The following MACROD2 variants were observed in gnomAD, a reference collection of about 807,000 sequenced individuals.
MACROD2 encodes ADP-ribose glycohydrolase MACROD2.
MACROD2 carries 36 observed loss-of-function variants against 70.4 expected under a neutral mutation model. The observed-to-expected ratio is 0.51, with a 90% CI of 0.39 to 0.68. The LOEUF (loss-of-function observed/expected upper bound fraction) is 0.68. MACROD2 is among the 30% of genes least tolerant of loss of function. The pLI is 0.00. For missense variants in MACROD2, 496 were observed against 538.4 expected, an observed-to-expected ratio of 0.92 and a Z score of 0.78; for synonymous variants, 172 against 178.8, an observed-to-expected ratio of 0.96 and a Z score of 0.30.
intron 4 of MACROD2, among the ~76,000 whole-genome samples, chr20:14,573,476 C>T (rs1342986184): frequency 6.6e-6 from 1 of 152,120 alleles, no homozygotes; most frequent in Admixed American, 6.6e-5. Flanking sequence ...ATTTTAGCTG[C>T]TGCTCTTTTA....
intron 2 of MACROD2, among the ~76,000 whole-genome samples, chr20:14,071,265 T>G (rs977112910): frequency 7.7e-6 from 1 of 129,550 alleles, no homozygotes; most frequent in African/African-American, 2.9e-5. Context: ...TTTTTTTTTT[T>G]TTTTTTTTTT....
chr20:14,078,493 ACCT>A (rs1165137694), intron 2 of MACROD2, among the ~76,000 whole-genome samples: 1 of 149,838 alleles, frequency 6.7e-6, no homozygotes. Context: ...TGCAACCTCC[ACCT>A]CCCAGGTTCA....
chr20:15,248,311 A>G (rs1018195783), intron 6 of MACROD2, among the ~76,000 whole-genome samples: 7 of 152,270 alleles, frequency 4.6e-5, no homozygotes, highest in African/African-American at 1.4e-4. Context: ...AGCTCACTGC[A>G]GTACTTGACA....
At chr20:15,198,735 AATTT>A (rs1329549163) in intron 5 of MACROD2, among the ~76,000 whole-genome samples, 7 of 152,048 alleles carry the variant, frequency 4.6e-5, no homozygotes, top group Admixed American at 3.3e-4. Flanking sequence ...CTGTGAGGGC[AATTT>A]TTATGAACCC....
rs543090926 is a variant in MACROD2, at chr20:15,632,175, AT to A, written c.645+132329del. On this transcript the variant is annotated intron_variant, in intron 8 of 17. Coordinates refer to ENST00000684519, the MANE Select transcript of MACROD2 (RefSeq NM_001351661.2). The stretch of plus-strand genomic sequence containing the variant: ...AGCGAAACTCTTACTCAAAAAAAAA[AT>A]AAATAAATAAAAATAAAAATAAAGA... Among the ~76,000 whole-genome samples, 886 of 151,644 alleles carry A rather than the reference AT, an allele frequency of 5.8e-3. 11 individuals are homozygous for A. The highest frequency in any genetic ancestry group is 0.02 in the African/African-American group (828 of 41,378).
intron 3 of MACROD2, among the ~76,000 whole-genome samples, chr20:14,195,596 G>GAC (rs140649313): frequency 6.6e-6 from 1 of 151,730 alleles, no homozygotes; most frequent in Non-Finnish European, 1.5e-5. Flanking sequence ...CTAGCAGGCA[G>GAC]ACACACACAC....
intron 2 of MACROD2, among the ~76,000 whole-genome samples, chr20:14,053,914 T>C (rs1226017834): frequency 6.6e-6 from 1 of 152,120 alleles, no homozygotes; most frequent in Admixed American, 6.6e-5. Flanking sequence ...GATATTGATT[T>C]TTTTCTATTA....
chr20:15,442,066 T>C (rs2046501545), intron 7 of MACROD2, among the ~76,000 whole-genome samples: 1 of 152,168 alleles, frequency 6.6e-6, no homozygotes, highest in Admixed American at 6.6e-5. Flanking sequence ...TTTTCTCATC[T>C]AGTCTTGAAT....
intron 8 of MACROD2, among the ~76,000 whole-genome samples, chr20:15,538,286 T>A (rs1302497994): frequency 2.6e-5 from 4 of 152,082 alleles, no homozygotes; most frequent in Admixed American, 6.5e-5. Flanking sequence ...AGGACTCTAT[T>A]TGGAAAATGA....
chr20:14,911,441 GATCTTGGCTCAC>G (rs1404916298), intron 5 of MACROD2, among the ~76,000 whole-genome samples: 7 of 152,040 alleles, frequency 4.6e-5, no homozygotes, highest in Non-Finnish European at 7.4e-5. Flanking sequence ...GCGGTGGCAT[GATCTTGGCTCAC>G]TGCAGCCTCG....
chr20:14,325,682 ACTC>A, intron 3 of MACROD2: 1 of 1,613,582 alleles, frequency 6.2e-7, no homozygotes, highest in Non-Finnish European at 8.5e-7. Flanking sequence ...TGTATTACAA[ACTC>A]CTCCTTCGAG....
At chr20:15,273,256 C>G (rs997881227) in intron 6 of MACROD2, among the ~76,000 whole-genome samples, 7 of 152,004 alleles carry the variant, frequency 4.6e-5, no homozygotes, top group African/African-American at 1.7e-4. Context: ...GCCAAGCCTC[C>G]GAGCCTACAT....
intron 6 of MACROD2, among the ~76,000 whole-genome samples, chr20:15,377,024 G>A (rs1000964600): frequency 3.3e-5 from 5 of 152,058 alleles, no homozygotes; most frequent in African/African-American, 1.2e-4. Flanking sequence ...CTGAGTAGCT[G>A]GGACTACAGG....
intron 5 of MACROD2, among the ~76,000 whole-genome samples, chr20:15,103,829 A>G (rs1341058423): frequency 6.6e-6 from 1 of 152,160 alleles, no homozygotes; most frequent in Admixed American, 6.5e-5. Context: ...AGCAGCCGTG[A>G]GCAGAACTGA....
Position 15,649,207 on chromosome 20 carries a change from CTTCTTTCTTTCTTTCTTTCT to C in MACROD2, c.645+149382_645+149401del, listed in dbSNP as rs146662837. On this transcript the variant is annotated intron_variant, in intron 8 of 17. Coordinates refer to ENST00000684519, the MANE Select transcript of MACROD2 (RefSeq NM_001351661.2). ...TTCTTTTTCCTTTCTTCTTTCTTTCCTTCTTTCTTTCTTTCTTTCTTTCTTTCTTTCTTTCTTTCTTCTTT... is the reference window on the plus strand; with the variant it reads ...TTCTTTTTCCTTTCTTCTTTCTTTCCTTCTTTCTTTCTTTCTTTCTTCTTT... Among the ~76,000 whole-genome samples the C allele has an allele frequency of 3.4e-3, 471 of 137,766 alleles. 7 individuals are homozygous for C. Among genetic ancestry groups the C allele is most frequent in the South Asian group, 4.2e-3 (16 of 3,826 alleles). 90.4% of individuals were successfully genotyped at this position (137,766 alleles called of 152,430 possible).
intron 8 of MACROD2, among the ~76,000 whole-genome samples, chr20:15,768,972 G>T (rs1889666482): frequency 6.6e-6 from 1 of 152,164 alleles, no homozygotes; most frequent in African/African-American, 2.4e-5. Context: ...TATACTCATG[G>T]AGCTGTCAGC....
At chr20:14,371,541 C>A (rs1174011050) in intron 3 of MACROD2, among the ~76,000 whole-genome samples, 1 of 151,892 alleles carries the variant, frequency 6.6e-6, no homozygotes, top group African/African-American at 2.4e-5. Context: ...TTGTTTGTAT[C>A]CATTTGAATA....
In MACROD2 at chr20:15,237,608, A is replaced by G. The variant is rs113754579; in HGVS notation, c.540+7547A>G. 9.3e-3 allele frequency among the ~76,000 whole-genome samples: 1,407 copies of G among 152,106 alleles called. 18 individuals are homozygous for G. The highest frequency in any genetic ancestry group is 0.032 in the African/African-American group (1,344 of 41,460). On this transcript the variant is annotated intron_variant, in intron 6 of 17. Coordinates refer to ENST00000684519, the MANE Select transcript of MACROD2 (RefSeq NM_001351661.2). ...GTGCACGTGCTTTCTATAGGAGGTG[A>G]TGACAGGGAACAGCGCAGAGGAGTG...
intron 3 of MACROD2, among the ~76,000 whole-genome samples, chr20:14,160,713 G>GT (rs1327251007): frequency 6.6e-6 from 1 of 151,764 alleles, no homozygotes; most frequent in African/African-American, 2.4e-5. Context: ...TTTAGTTTCT[G>GT]TTTAAGTTCT....
Sources: allele counts gnomAD v4.1 joint callset (sites outside exome capture counted in the v4.1 genomes callset), GRCh38; gene constraint gnomAD v4.1.1; transcripts MANE v1.5; gene names NCBI Gene and HGNC (gene_info 2026-07-23, HGNC 2026-07-21).